BRD8: variants seen among roughly 807,000 people sequenced by gnomAD.
The protein encoded by BRD8 is bromodomain containing 8.
Under a neutral mutation model 143.1 loss-of-function variants are expected in BRD8, and 67 were observed. The ratio of observed to expected loss-of-function variants is 0.47; its 90% confidence interval spans 0.38 to 0.57. The LOEUF (loss-of-function observed/expected upper bound fraction) is 0.57, where lower values mean the gene tolerates loss of function less well. Ranked by LOEUF, BRD8 falls within the 20% of genes least tolerant of loss-of-function variation. The pLI, the probability that BRD8 is intolerant of heterozygous loss-of-function variation, is 0.00. For synonymous variants in BRD8, 505 were observed against 517.1 expected, an observed-to-expected ratio of 0.98 and a Z score of 0.32; for missense variants, 1,103 against 1,503.0, an observed-to-expected ratio of 0.73 and a Z score of 4.40.
intron 4 of BRD8, 88 bp downstream of exon 4, chr5:138,171,273 C>T: frequency 1.4e-6 from 2 of 1,407,880 alleles, no homozygotes; most frequent in Non-Finnish European, 1.0e-6. Flanking sequence ...TTTAATCATC[C>T]AGTATCATAA....
rs1024100564 is a variant in BRD8, at chr5:138,170,419, G to A, written c.441-10C>T. ...TTCCAATTTCTTTTTCCTAAACAGG[G>A]AATTAAGGGTTAGATGCTAGACAGC... On this transcript the variant is annotated splice_polypyrimidine_tract_variant and intron_variant, in intron 6 of 26. Transcript: ENST00000254900. 6 of 1,613,796 alleles carry A rather than the reference G, an allele frequency of 3.7e-6. No homozygotes were observed. Among genetic ancestry groups the A allele is most frequent in the Non-Finnish European group, 4.2e-6 (5 of 1,179,948 alleles).
Position 138,149,797 on chromosome 5 carries a change from C to A in BRD8, c.3121G>T (p.Gly1041Trp). The A allele has an allele frequency of 6.3e-7, 1 of 1,593,260 alleles. No homozygotes were observed. Among genetic ancestry groups the A allele is most frequent in the Non-Finnish European group, 8.5e-7 (1 of 1,173,894 alleles). ...CCTTTGGATTCTTGCTGAGCCTCCC[C>A]CTAGGAATGCCAGGAAACAGGAAAC... is the stretch of plus-strand genomic sequence containing the variant. ...VQGLLTESEE[G>W]EAQQESKGED... The change falls in exon 23 of 27, where the codon GGG (glycine) becomes TGG (tryptophan). Residue 1041 changes from glycine to tryptophan, a missense_variant and splice_region_variant. Physicochemically the swap from Gly to Trp is radical, Grantham distance 184 (BLOSUM62 -2). Around this residue, in one of 7 missense-constraint regions of BRD8, gnomAD observed 369 missense variants for 445.5 expected, o/e 0.83. Transcript: ENST00000254900.
chr5:138,154,084 C>A (rs1193704199), intron 20 of BRD8, among the ~76,000 whole-genome samples: 1 of 152,170 alleles, frequency 6.6e-6, no homozygotes, highest in Non-Finnish European at 1.5e-5. Context: ...AATAAGTTTT[C>A]TCAGTGTCCA....
chr5:138,171,050 T>C lies in BRD8; in HGVS notation c.347A>G (p.Gln116Arg). ...CTCTGATAAGTACCTATATCTCTCC[T>C]GGGTTTCCTTTATCACTTTCTTTAG... Reference protein sequence around the residue: ...EELKKVIKETQERYRRLKRDA... With the variant: ...EELKKVIKETRERYRRLKRDA... The change falls in exon 5 of 27, where the codon CAG (glutamine) becomes CGG (arginine). Residue 116 changes from glutamine (Q) to arginine (R), a missense_variant. Physicochemically the swap from Gln to Arg is conservative, Grantham distance 43. This residue lies in a region of BRD8 where 334 missense variants were observed against 372.5 expected (regional missense o/e 0.90). Coordinates refer to ENST00000254900, the MANE Select transcript of BRD8 (RefSeq NM_139199.2). 6.2e-7 allele frequency: 1 copy of C among 1,613,874 alleles called. No homozygotes were observed. Among genetic ancestry groups the C allele is most frequent in the South Asian group, 1.1e-5 (1 of 90,990 alleles).
At chr5:138,163,449 C>T in intron 14 of BRD8, 105 bp from the exon 15 acceptor site, 5 of 1,412,472 alleles carry the variant, frequency 3.5e-6, no homozygotes, top group Non-Finnish European at 4.8e-6. Flanking sequence ...TAGAAATGAC[C>T]TCACGCTGTT....
chr5:138,172,573 A>T lies in BRD8; in HGVS notation c.117-439T>A, dbSNP rs1257422185. On this transcript the variant is annotated intron_variant, in intron 2 of 26. Transcript: ENST00000254900. The stretch of plus-strand genomic sequence containing the variant: ...CCAATGAATGCGAGGTGTGCAATGG[A>T]CCGTGCCTGTAATCCCAGCACTCTG... 3 of 274,748 alleles carry T rather than the reference A, an allele frequency of 1.1e-5. No individual in the cohort carries two copies. In the East Asian group the frequency reaches 4.9e-4, roughly 45 times the overall value. 17.0% of individuals were successfully genotyped at this position (274,748 alleles called of 1,614,324 possible). A position where few individuals can be genotyped will look rare whatever the true frequency, so the allele number is the denominator to read the frequency against.
intron 25 of BRD8, among the ~76,000 whole-genome samples, chr5:138,143,487 A>T (rs1036898486): frequency 3.3e-5 from 5 of 152,122 alleles, no homozygotes; most frequent in African/African-American, 1.2e-4. Context: ...AAATTTTTTT[A>T]AATAAAAAAT....
At chr5:138,169,156 A>G (rs1467601045) in intron 8 of BRD8, 66 bp downstream of exon 8, 2 of 1,554,266 alleles carry the variant, frequency 1.3e-6, no homozygotes, top group Non-Finnish European at 1.7e-6. Flanking sequence ...TGGTTTCCTC[A>G]TCGCTCAGCT....
At chr5:138,159,714 C>A in intron 19 of BRD8, 115 bp from the exon 20 acceptor site, 1 of 990,850 alleles carries the variant, frequency 1.0e-6, no homozygotes, top group Non-Finnish European at 1.6e-6. Context: ...AATTTTAAAA[C>A]TCAAGAACAA....
At chr5:138,176,112 T>C (rs4835671) in intron 2 of BRD8, among the ~76,000 whole-genome samples, 106,913 of 151,820 alleles carry the variant, frequency 0.7, 38,550 homozygotes, top group African/African-American at 0.86. Flanking sequence ...GATGGATAAA[T>C]AAAACTTGGT....
rs1193729572 is a variant in BRD8 at position 138,166,075 on chromosome 5, G to A, written c.1031C>T (p.Ala344Val). ...SQPDNCVPME[A>V]VGDPHTVTVS... ...AGTCACAGTATGTGGATCCCCCACA[G>A]CCTCCATGGGAACACAGTTGTCGGG... Residue 344 changes from alanine to valine, a missense_variant, in exon 11 of 27, where the codon GCT becomes GTT. Around this residue, in one of 7 missense-constraint regions of BRD8, gnomAD observed 334 missense variants for 372.5 expected, o/e 0.90. Transcript: ENST00000254900. 6.2e-7 allele frequency: 1 copy of A among 1,613,664 alleles called. No homozygotes were observed.
chr5:138,160,039 G>C, intron 19 of BRD8, 30 bp downstream of exon 19: 1 of 1,544,098 alleles, frequency 6.5e-7, no homozygotes, highest in South Asian at 1.1e-5. Context: ...CTGGAACACT[G>C]GCACACAGGT....
rs775623472 is a variant in BRD8, at chr5:138,140,161, C to G, written c.3621G>C (p.Leu1207=). ...CTTTTCTTTTGTCTAACCAGATATT[C>G]AGTACCTAAAGGGTTAAGGAACACA... ...RQEVLEQIQV[L]NIWLDKRKGS... is the part of the protein sequence containing the mutation. Residue 1207 remains leucine, a synonymous_variant, in exon 27 of 27, where the codon CTG becomes CTC. Transcript: ENST00000254900. The G allele has an allele frequency of 5.0e-6, 8 of 1,610,192 alleles. No homozygotes were observed. The Admixed American group carries it at 1.3e-4, about 27-fold the overall frequency.
chr5:138,144,313 G>T (rs1317621616), intron 25 of BRD8, among the ~76,000 whole-genome samples: 3 of 152,158 alleles, frequency 2.0e-5, no homozygotes, highest in East Asian at 3.9e-4. Flanking sequence ...CCGGGAGGAA[G>T]AAACTCCGGA....
chr5:138,168,584 T>C lies in BRD8; in HGVS notation c.643-506A>G, dbSNP rs1193957449. The C allele has an allele frequency of 6.2e-7, 1 of 1,609,040 alleles. No individual in the cohort carries two copies. Among genetic ancestry groups the C allele is most frequent in the South Asian group, 1.1e-5 (1 of 90,744 alleles). ...TCTTTTTCTGGGGTGAATCATCTGT[T>C]ACTGGGGTCATGGGGGCTTCTAAGG... On this transcript the variant is annotated intron_variant, in intron 8 of 26. Transcript: ENST00000254900.
chr5:138,152,406 T>G, intron 21 of BRD8, 76 bp downstream of exon 21: 2 of 1,551,116 alleles, frequency 1.3e-6, no homozygotes, highest in Non-Finnish European at 1.7e-6. Flanking sequence ...TTAAGAGTGG[T>G]AGAAGCATGT....
At chr5:138,143,545 G>T (rs2151179368) in intron 25 of BRD8, among the ~76,000 whole-genome samples, 1 of 152,270 alleles carries the variant, frequency 6.6e-6, no homozygotes, top group African/African-American at 2.4e-5. Flanking sequence ...CTGGGCTTCT[G>T]GGTTGGGTGG....
chr5:138,149,775 T>G lies in BRD8; in HGVS notation c.3143A>C (p.Lys1048Thr), dbSNP rs1324325784. 1 of 1,607,660 alleles carries G rather than the reference T, an allele frequency of 6.2e-7. No individual in the cohort carries two copies. Among genetic ancestry groups the G allele is most frequent in the Non-Finnish European group, 8.5e-7 (1 of 1,178,278 alleles). Residue 1048 changes from lysine to threonine, a missense_variant, in exon 23 of 27, where the codon AAA (lysine) becomes ACA (threonine). Physicochemically the swap from Lys to Thr is moderately conservative, Grantham distance 78. Around this residue, in one of 7 missense-constraint regions of BRD8, gnomAD observed 369 missense variants for 445.5 expected, o/e 0.83. Transcript: ENST00000254900. ...SEEGEAQQES[K>T]GEDQGEVYVS... ...ATATACTTCACCCTGGTCCTCCCCT[T>G]TGGATTCTTGCTGAGCCTCCCCCTA... is the stretch of plus-strand genomic sequence containing the variant.
At position 138,160,063 on chromosome 5, in the gene BRD8, C is replaced by A. The variant is rs553531433; in HGVS notation, c.2532+6G>T. The A allele has an allele frequency of 3.5e-5, 56 of 1,610,408 alleles. 1 individual carries two copies. The Middle Eastern group carries it at 8.3e-4, about 24-fold the overall frequency. On this transcript the variant is annotated splice_donor_region_variant and intron_variant, in intron 19 of 26. Transcript: ENST00000254900. The stretch of plus-strand genomic sequence containing the variant: ...TGGCACACAGGTTCCTTCCTGATCG[C>A]CTCACCTTCTCTGAAGCATCCTGTT...
Sources: allele counts gnomAD v4.1 joint callset (sites outside exome capture counted in the v4.1 genomes callset), GRCh38; gene constraint gnomAD v4.1.1; regional missense constraint gnomAD v4.1.1; transcripts MANE v1.5; gene names NCBI Gene and HGNC (gene_info 2026-07-23, HGNC 2026-07-21).